The following ABCC4 variants were observed in gnomAD, a reference collection of about 807,000 sequenced individuals.
ABCC4 encodes ATP-binding cassette sub-family C member 4.
A neutral mutation model predicts 168.5 loss-of-function variants in ABCC4; 102 were observed. That is an observed-to-expected ratio of 0.61 (90% CI 0.52 to 0.71). The LOEUF is 0.71. Among genes scored for constraint, ABCC4 ranks in the 30% least tolerant of loss-of-function variants. The probability of loss-of-function intolerance (pLI) is 0.00; values close to 1 mark genes in which losing one functional copy is unlikely to be tolerated. For missense variants in ABCC4, 1,402 were observed against 1,605.8 expected (o/e 0.87, Z 2.17); for synonymous variants, 617 against 590.7 (o/e 1.04, Z -0.65).
chr13:95,159,893 G>T (rs1049449813), intron 19 of ABCC4, among the ~76,000 whole-genome samples: 19 of 152,204 alleles, frequency 1.2e-4, no homozygotes, highest in African/African-American at 4.6e-4. Context: ...ACCCCACAGT[G>T]AAGGTGATTC....
In ABCC4 at chr13:95,020,564, A is replaced by C. The variant is rs991499157; in HGVS notation, c.*1011T>G. On this transcript the variant is annotated 3_prime_UTR_variant, in exon 31 of 31. Coordinates refer to ENST00000645237, the MANE Select transcript of ABCC4 (RefSeq NM_005845.5). The stretch of plus-strand genomic sequence containing the variant: ...CAGGCTCATGAAAATGAACCCCTGG[A>C]TGCATCCTGAGAACGTACTGCATAA... The C allele has an allele frequency of 6.6e-6, 1 of 152,398 alleles. No individual in the cohort carries two copies. The highest frequency in any genetic ancestry group is 1.5e-5 in the Non-Finnish European group (1 of 68,032). 9.4% of individuals were successfully genotyped at this position (152,398 alleles called of 1,614,324 possible). A position where few individuals can be genotyped will look rare whatever the true frequency, so the allele number is the denominator to read the frequency against.
At chr13:95,235,789 A>G (rs1250902098) in intron 3 of ABCC4, among the ~76,000 whole-genome samples, 2 of 152,128 alleles carry the variant, frequency 1.3e-5, no homozygotes, top group African/African-American at 2.4e-5. Context: ...TCTGCCCCCT[A>G]CAAGCCCGGA....
At chr13:95,149,240 AT>A (rs890336096) in intron 19 of ABCC4, among the ~76,000 whole-genome samples, 6 of 152,324 alleles carry the variant, frequency 3.9e-5, no homozygotes, top group Admixed American at 1.3e-4. Context: ...CCTGAAATGT[AT>A]GTGTTGATTT....
chr13:95,295,088 C>T (rs1315816378), intron 1 of ABCC4, among the ~76,000 whole-genome samples: 1 of 152,200 alleles, frequency 6.6e-6, no homozygotes, highest in Non-Finnish European at 1.5e-5. Flanking sequence ...TAGAATTGGA[C>T]ACCAAAGACT....
At chr13:95,022,911 TAAG>T (rs2031175464) in intron 30 of ABCC4, among the ~76,000 whole-genome samples, 1 of 152,230 alleles carries the variant, frequency 6.6e-6, no homozygotes, top group South Asian at 2.1e-4. Context: ...AAATGTCACT[TAAG>T]GAGAAAATAA....
At chr13:95,247,422 C>T (rs758299464) in intron 2 of ABCC4, among the ~76,000 whole-genome samples, 16 of 152,140 alleles carry the variant, frequency 1.1e-4, no homozygotes, top group Non-Finnish European at 1.9e-4. Flanking sequence ...GCATCTCGGG[C>T]CTTTGGTGCT....
In ABCC4 at chr13:95,219,465, G is replaced by A. The variant is rs1216944322; in HGVS notation, c.532-8684C>T. 2.0e-5 allele frequency among the ~76,000 whole-genome samples: 3 copies of A among 152,126 alleles called. No homozygotes were observed. The East Asian group carries it at 5.8e-4, about 29-fold the overall frequency. On this transcript the variant is annotated intron_variant, in intron 4 of 30. Coordinates refer to ENST00000645237, the MANE Select transcript of ABCC4 (RefSeq NM_005845.5). Reference sequence around the variant, plus strand: ...AGATCATCTTAAGGAGAATATAAATGCAGTATACCCCCATTGAAGAGGAAG... The same window carrying A: ...AGATCATCTTAAGGAGAATATAAATACAGTATACCCCCATTGAAGAGGAAG...
intron 30 of ABCC4, among the ~76,000 whole-genome samples, chr13:95,028,158 A>C (rs2031638834): frequency 6.6e-6 from 1 of 152,218 alleles, no homozygotes; most frequent in Non-Finnish European, 1.5e-5. Flanking sequence ...AAAGTTACCA[A>C]AACAAAAATG....
rs554884258 is a variant in ABCC4, at chr13:95,159,093, T to TTATATATATATATATA, written c.2455+2080_2455+2095dup. On this transcript the variant is annotated intron_variant, in intron 19 of 30. Coordinates refer to ENST00000645237, the MANE Select transcript of ABCC4 (RefSeq NM_005845.5). The stretch of plus-strand genomic sequence containing the variant: ...ATGAGACCTTATTTCTAAATAAATT[T>TTATATATATATATATA]TATATATATATATATATATATATAT... Among the ~76,000 whole-genome samples, 188 of 61,002 alleles carry TTATATATATATATATA rather than the reference T, an allele frequency of 3.1e-3. 9 individuals are homozygous for TTATATATATATATATA. Among genetic ancestry groups the TTATATATATATATATA allele is most frequent in the Non-Finnish European group, 5.3e-3 (152 of 28,508 alleles). The allele number at this position is 61,002 out of a possible 152,430, so 40.0% of individuals were successfully genotyped here. A position where few individuals can be genotyped will look rare whatever the true frequency, so the allele number is the denominator to read the frequency against.
intron 4 of ABCC4, among the ~76,000 whole-genome samples, chr13:95,217,894 G>C (rs1419443022): frequency 6.6e-6 from 1 of 152,010 alleles, no homozygotes; most frequent in Non-Finnish European, 1.5e-5. Context: ...TTTCGGATTC[G>C]GGTACTTCCT....
In ABCC4 at chr13:95,217,633, C is replaced by G. The variant is rs183960749; in HGVS notation, c.532-6852G>C. On this transcript the variant is annotated intron_variant, in intron 4 of 30. Coordinates refer to ENST00000645237, the MANE Select transcript of ABCC4 (RefSeq NM_005845.5). ...CCTGCAATCCCAGCTACTGGGGAGG[C>G]TGAGGCAGGAGAATCGCTTGAACCC... Among the ~76,000 whole-genome samples, 14 of 152,186 alleles carry G rather than the reference C, an allele frequency of 9.2e-5. No individual in the cohort carries two copies. The East Asian group carries it at 1.5e-3, about 17-fold the overall frequency.
chr13:95,282,015 G>A (rs938348651), intron 1 of ABCC4, among the ~76,000 whole-genome samples: 2 of 152,062 alleles, frequency 1.3e-5, no homozygotes, highest in Non-Finnish European at 1.5e-5. Flanking sequence ...GCTGAGGCAG[G>A]AGAATTGCTT....
intron 4 of ABCC4, among the ~76,000 whole-genome samples, chr13:95,224,463 G>A (rs528636176): frequency 9.9e-5 from 15 of 152,214 alleles, no homozygotes; most frequent in South Asian, 2.1e-4. Flanking sequence ...TTGGCCAGTC[G>A]TGGTGGCTCA....
In ABCC4 at chr13:95,258,653, C is replaced by T. The variant is rs528907239; in HGVS notation, c.75-10900G>A. The stretch of plus-strand genomic sequence containing the variant: ...GGTGTTCACTGGGCCAGGGACCAGG[C>T]GAGCCACTCAAAACTGCGGGGTGAA... On this transcript the variant is annotated intron_variant, in intron 1 of 30. Coordinates refer to ENST00000645237, the MANE Select transcript of ABCC4 (RefSeq NM_005845.5). Among the ~76,000 whole-genome samples the T allele has an allele frequency of 7.8e-4, 118 of 151,894 alleles. 2 individuals are homozygous for T. In the Middle Eastern group the frequency reaches 0.014, roughly 18 times the overall value.
At chr13:95,251,275 C>G (rs1340231858) in intron 1 of ABCC4, among the ~76,000 whole-genome samples, 1 of 152,078 alleles carries the variant, frequency 6.6e-6, no homozygotes, top group Non-Finnish European at 1.5e-5. Flanking sequence ...CTCCTTTTGT[C>G]CCCTTTCAGC....
chr13:95,228,592 T>C (rs1173356467), intron 4 of ABCC4, among the ~76,000 whole-genome samples: 2 of 151,926 alleles, frequency 1.3e-5, no homozygotes, highest in East Asian at 3.9e-4. Flanking sequence ...CTGGCCAACA[T>C]GGTGAAATGC....
At chr13:95,096,741 A>G (rs1192900750) in intron 20 of ABCC4, among the ~76,000 whole-genome samples, 2 of 152,182 alleles carry the variant, frequency 1.3e-5, no homozygotes, top group Non-Finnish European at 2.9e-5. Flanking sequence ...AAGTTGAAAT[A>G]AAGACATGCT....
chr13:95,198,333 T>C (rs1334451183), intron 8 of ABCC4, among the ~76,000 whole-genome samples: 2 of 152,184 alleles, frequency 1.3e-5, no homozygotes, highest in Non-Finnish European at 2.9e-5. Context: ...AAGACATGTA[T>C]GCAGCCAACA....
At chr13:95,299,815 G>A (rs2138977709) in intron 1 of ABCC4, among the ~76,000 whole-genome samples, 1 of 152,112 alleles carries the variant, frequency 6.6e-6, no homozygotes, top group East Asian at 1.9e-4. Context: ...TCAGGCTTAT[G>A]TAGTTAGCAG....
Sources: allele counts gnomAD v4.1 joint callset (sites outside exome capture counted in the v4.1 genomes callset), GRCh38; gene constraint gnomAD v4.1.1; transcripts MANE v1.5; gene names NCBI Gene and HGNC (gene_info 2026-07-23, HGNC 2026-07-21).